The following PPFIBP2 variants were observed in gnomAD, a reference collection of about 807,000 sequenced individuals.
PPFIBP2 encodes liprin-beta-2.
A neutral mutation model predicts 118.3 loss-of-function variants in PPFIBP2; 118 were observed. The observed-to-expected ratio is 1.00, with a 90% CI of 0.86 to 1.16. PPFIBP2 has a LOEUF of 1.16. Among genes scored for constraint, PPFIBP2 ranks in the 50% most tolerant of loss-of-function variants. The pLI, the probability that PPFIBP2 is intolerant of heterozygous loss-of-function variation, is 0.00. For missense variants in PPFIBP2, 1,195 were observed against 1,073.1 expected (o/e 1.11, Z -1.59); for synonymous variants, 414 against 397.4 (o/e 1.04, Z -0.50).
At chr11:7,538,303 G>A (rs967703093) in intron 1 of PPFIBP2, 6 of 152,498 alleles carry the variant, frequency 3.9e-5, no homozygotes, top group Non-Finnish European at 7.3e-5. Flanking sequence ...TCGCTGCTGA[G>A]ACTGTGGGAC....
intron 5 of PPFIBP2, chr11:7,597,888 A>G (rs963731684): frequency 4.8e-5 from 25 of 519,002 alleles, no homozygotes; most frequent in Admixed American, 9.7e-5. Context: ...CTGCCCTGAG[A>G]TGAATAACCT....
intron 1 of PPFIBP2, among the ~76,000 whole-genome samples, chr11:7,519,150 T>C (rs547053519): frequency 6.6e-6 from 1 of 152,162 alleles, no homozygotes; most frequent in East Asian, 1.9e-4. Context: ...ACTGGGAAGA[T>C]GGCAGCTGAG....
rs753107818 is a variant in PPFIBP2, at chr11:7,649,620, AC to A, written c.2092del (p.His698ThrfsTer26). On this transcript the variant is annotated frameshift_variant, in exon 21 of 24. Coordinates refer to ENST00000299492, the MANE Select transcript of PPFIBP2 (RefSeq NM_003621.5). LOFTEE classifies it high-confidence loss of function. ...CACGTGCTGCATGTCAACAAGTTCA[AC>A]CCCCACTGCCTGCACCGGCGGCCAG... ...AIHVLHVNKF[N>X]PHCLHRRPAD... 65 of 1,613,948 alleles carry A rather than the reference AC, an allele frequency of 4.0e-5. No homozygotes were observed. The highest frequency in any genetic ancestry group is 5.3e-5 in the Non-Finnish European group (62 of 1,180,026).
intron 6 of PPFIBP2, among the ~76,000 whole-genome samples, chr11:7,612,140 C>T (rs180804184): frequency 7.2e-5 from 11 of 152,272 alleles, no homozygotes; most frequent in East Asian, 1.9e-4. Flanking sequence ...TGACTAGATC[C>T]GGGTAATCTC....
chr11:7,541,466 C>G (rs1407197873), intron 1 of PPFIBP2, among the ~76,000 whole-genome samples: 1 of 152,206 alleles, frequency 6.6e-6, no homozygotes, highest in Non-Finnish European at 1.5e-5. Flanking sequence ...GTGCACCTGA[C>G]TGCGCCCTCT....
chr11:7,656,159 T>C (rs1324287834), downstream of PPFIBP2, among the ~76,000 whole-genome samples: 2 of 152,192 alleles, frequency 1.3e-5, no homozygotes, highest in African/African-American at 4.8e-5. Flanking sequence ...ATAGGCAGAC[T>C]AGAGCTGGCA....
intron 1 of PPFIBP2, among the ~76,000 whole-genome samples, chr11:7,528,179 G>A (rs1373305321): frequency 6.6e-6 from 1 of 152,164 alleles, no homozygotes; most frequent in Non-Finnish European, 1.5e-5. Flanking sequence ...ATTTAGGCAG[G>A]AAGATGGTCA....
At chr11:7,554,804 T>TGG (rs759059431) in intron 2 of PPFIBP2, among the ~76,000 whole-genome samples, 3,468 of 151,852 alleles carry the variant, frequency 0.023, 58 homozygotes, top group South Asian at 0.039. Context: ...TAGACTAGAC[T>TGG]AGACTAGACT....
chr11:7,517,361 G>T (rs555458594), intron 1 of PPFIBP2, among the ~76,000 whole-genome samples: 6 of 152,200 alleles, frequency 3.9e-5, no homozygotes, highest in African/African-American at 1.2e-4. Flanking sequence ...TGCAACTGAG[G>T]GTGTGGAAAT....
At chr11:7,665,994 G>A in the PPFIBP2 span, 1 of 1,297,350 alleles carries the variant, frequency 7.7e-7, no homozygotes, top group Non-Finnish European at 1.1e-6. Flanking sequence ...CCTGTGGGGT[G>A]CTCTGTGCAC....
intron 8 of PPFIBP2, among the ~76,000 whole-genome samples, 167 bp from the exon 9 acceptor site, chr11:7,628,118 T>C (rs1850266665): frequency 6.6e-6 from 1 of 152,208 alleles, no homozygotes; most frequent in Admixed American, 6.5e-5. Flanking sequence ...CTAGCAAATA[T>C]TTAAGGAGGC....
chr11:7,602,087 C>CAAAAAAAAAAAAAAAAAA (rs201003988), intron 5 of PPFIBP2, among the ~76,000 whole-genome samples: 3 of 56,200 alleles, frequency 5.3e-5, no homozygotes, highest in African/African-American at 2.0e-4. Flanking sequence ...GAATGAAACT[C>CAAAAAAAAAAAAAAAAAA]AAAAAAAAAA....
At chr11:7,586,192 T>C (rs1390876143) in intron 3 of PPFIBP2, among the ~76,000 whole-genome samples, 3 of 152,230 alleles carry the variant, frequency 2.0e-5, no homozygotes. Context: ...ATTTTGGTTA[T>C]TGTTCCCTTG....
intron 2 of PPFIBP2, among the ~76,000 whole-genome samples, chr11:7,557,886 C>G (rs1374906413): frequency 6.6e-6 from 1 of 152,164 alleles, no homozygotes; most frequent in Non-Finnish European, 1.5e-5. Flanking sequence ...GGTTTTAGAA[C>G]ATGCCATCCT....
rs371376321 is a variant in PPFIBP2, at chr11:7,644,729, C to G, written c.1646+2303C>G. Among the ~76,000 whole-genome samples, 7 of 152,090 alleles carry G rather than the reference C, an allele frequency of 4.6e-5. No homozygotes were observed. The South Asian group carries it at 1.2e-3, about 27-fold the overall frequency. ...GGGCCAGGTGTTTTGAAAATTTTGC[C>G]TAAAAAAGGTATTTTAGGCCGGGCG... On this transcript the variant is annotated intron_variant, in intron 17 of 23. Transcript: ENST00000299492.
intron 4 of PPFIBP2, among the ~76,000 whole-genome samples, chr11:7,596,552 G>A (rs573611051): frequency 1.4e-4 from 22 of 152,150 alleles, no homozygotes; most frequent in African/African-American, 5.1e-4. Context: ...TTAAACAGGC[G>A]CTTTATAATT....
chr11:7,629,418 C>G (rs1211190751), intron 9 of PPFIBP2, 41 bp from the exon 10 acceptor site: 1 of 1,577,094 alleles, frequency 6.3e-7, no homozygotes, highest in African/African-American at 1.3e-5. Flanking sequence ...TCTGAGATGC[C>G]AGCATAGCAT....
downstream of PPFIBP2, chr11:7,656,808 T>G: frequency 7.8e-7 from 1 of 1,289,764 alleles, no homozygotes; most frequent in South Asian, 1.2e-5. Flanking sequence ...ACTTTCTTCG[T>G]GGCTGAGAGC....
chr11:7,593,532 G>A (rs1332186949), intron 4 of PPFIBP2, among the ~76,000 whole-genome samples: 4 of 152,152 alleles, frequency 2.6e-5, no homozygotes, highest in Non-Finnish European at 2.9e-5. Flanking sequence ...AACAAAATGG[G>A]CCCTGTCCCC....
Sources: allele counts gnomAD v4.1 joint callset (sites outside exome capture counted in the v4.1 genomes callset), GRCh38; gene constraint gnomAD v4.1.1; transcripts MANE v1.5; gene names NCBI Gene and HGNC (gene_info 2026-07-23, HGNC 2026-07-21).